Variants in LTBP2 observed in about 807,000 individuals in gnomAD.
LTBP2 encodes the protein latent-transforming growth factor beta-binding protein 2.
A neutral mutation model predicts 210.6 loss-of-function variants in LTBP2; 103 were observed. The ratio of observed to expected loss-of-function variants is 0.49; its 90% CI spans 0.42 to 0.58. The LOEUF (loss-of-function observed/expected upper bound fraction) is 0.58. Ranked by LOEUF, LTBP2 falls within the 20% of genes least tolerant of loss-of-function variation. The pLI, the probability that LTBP2 is intolerant of heterozygous loss-of-function variation, is 0.00. For missense variants in LTBP2, 2,313 were observed against 2,494.5 expected (o/e 0.93, Z 1.55); for synonymous variants, 1,007 against 1,015.0 (o/e 0.99, Z 0.15).
chr14:74,603,742 C>G, intron 1 of LTBP2, 37 bp from the exon 2 acceptor site: 1 of 1,579,996 alleles, frequency 6.3e-7, no homozygotes, highest in Non-Finnish European at 8.7e-7. Flanking sequence ...CACAAGGATG[C>G]TCAGAGCTGG....
At chr14:74,592,353 G>A (rs1176632726) in intron 2 of LTBP2, among the ~76,000 whole-genome samples, 3 of 152,200 alleles carry the variant, frequency 2.0e-5, no homozygotes, top group African/African-American at 7.2e-5. Flanking sequence ...GGAGTTTGAT[G>A]CCTCCAATTT....
chr14:74,591,418 C>G (rs2088281514), intron 2 of LTBP2, among the ~76,000 whole-genome samples: 1 of 152,170 alleles, frequency 6.6e-6, no homozygotes. Context: ...TCCAAACCAG[C>G]CAGACGTGTT....
At chr14:74,574,595 A>T (rs745904028) in intron 3 of LTBP2, among the ~76,000 whole-genome samples, 1 of 152,186 alleles carries the variant, frequency 6.6e-6, no homozygotes, top group Non-Finnish European at 1.5e-5. Flanking sequence ...GAAGATGATG[A>T]TGATGAACTG....
intron 3 of LTBP2, among the ~76,000 whole-genome samples, chr14:74,562,937 T>C (rs1036116096): frequency 1.6e-4 from 25 of 152,314 alleles, no homozygotes; most frequent in African/African-American, 6.0e-4. Flanking sequence ...AAACCTTCTG[T>C]GGTAGGTGTT....
intron 2 of LTBP2, among the ~76,000 whole-genome samples, chr14:74,587,347 G>C (rs1254941846): frequency 2.6e-5 from 4 of 152,032 alleles, no homozygotes; most frequent in African/African-American, 4.8e-5. Context: ...CCAACAGGAA[G>C]CAAGAAAACA....
intron 8 of LTBP2, among the ~76,000 whole-genome samples, chr14:74,542,696 C>T (rs1206988327): frequency 2.0e-5 from 3 of 152,066 alleles, no homozygotes; most frequent in African/African-American, 7.2e-5. Flanking sequence ...GGCAGCCAGA[C>T]CCACATCTAA....
chr14:74,506,868 T>C lies in LTBP2; in HGVS notation c.3908-45A>G, dbSNP rs1165708098. 4.6e-4 allele frequency: 719 copies of C among 1,552,050 alleles called. 5 individuals carry two copies. The African/African-American group carries it at 0.011, about 25-fold the overall frequency. On this transcript the variant is annotated intron_variant, in intron 26 of 35. Transcript: ENST00000261978. ...AGGATAGAGGATGTGTGTGTGTGTG[T>C]GTGTGTGTGTGCGCGCGCGCGTGTG... is the stretch of plus-strand genomic sequence containing the variant.
chr14:74,517,441 G>C (rs969658094), intron 17 of LTBP2, among the ~76,000 whole-genome samples: 5 of 152,000 alleles, frequency 3.3e-5, no homozygotes, highest in African/African-American at 1.2e-4. Flanking sequence ...GCAACCTCCG[G>C]CTCACTGCAA....
At chr14:74,536,516 T>C (rs959594402) in intron 8 of LTBP2, among the ~76,000 whole-genome samples, 2 of 152,232 alleles carry the variant, frequency 1.3e-5, no homozygotes, top group Admixed American at 1.3e-4. Flanking sequence ...ATGGGTGCAA[T>C]TTAGCCACTT....
At chr14:74,515,344 C>T (rs1261723174) in intron 18 of LTBP2, among the ~76,000 whole-genome samples, 2 of 151,256 alleles carry the variant, frequency 1.3e-5, no homozygotes, top group Admixed American at 6.6e-5. Flanking sequence ...GCAACTTCCA[C>T]GTCCTGGGTT....
At chr14:74,537,998 G>A (rs186373477) in intron 8 of LTBP2, among the ~76,000 whole-genome samples, 43 of 152,242 alleles carry the variant, frequency 2.8e-4, no homozygotes, top group East Asian at 1.4e-3. Context: ...CAGGTGATCC[G>A]CCTGCTTTGG....
chr14:74,604,789 C>A (rs901163241), intron 1 of LTBP2, among the ~76,000 whole-genome samples: 4 of 151,962 alleles, frequency 2.6e-5, no homozygotes, highest in Admixed American at 6.5e-5. Flanking sequence ...CTGCGCCCAG[C>A]CCTTCAGCTA....
At chr14:74,571,317 G>A (rs1595284222) in intron 3 of LTBP2, among the ~76,000 whole-genome samples, 1 of 152,314 alleles carries the variant, frequency 6.6e-6, no homozygotes, top group East Asian at 1.9e-4. Flanking sequence ...CTGGATAACA[G>A]AGCGAGACTC....
intron 9 of LTBP2, among the ~76,000 whole-genome samples, chr14:74,535,221 G>C (rs975891454): frequency 9.2e-5 from 14 of 152,084 alleles, no homozygotes; most frequent in Non-Finnish European, 1.6e-4. Context: ...GCCATGCAGA[G>C]CTTCCCCAGA....
intron 3 of LTBP2, among the ~76,000 whole-genome samples, chr14:74,573,251 C>A (rs1196012926): frequency 6.6e-6 from 1 of 152,208 alleles, no homozygotes; most frequent in East Asian, 1.9e-4. Context: ...ATCGCCCTTA[C>A]CCTCAGTGTC....
intron 8 of LTBP2, among the ~76,000 whole-genome samples, chr14:74,538,927 G>C (rs2087457749): frequency 6.6e-6 from 1 of 152,196 alleles, no homozygotes; most frequent in African/African-American, 2.4e-5. Context: ...CCCTGGCGTG[G>C]GGCCTGGTGG....
chr14:74,568,804 T>C (rs2087936353), intron 3 of LTBP2, among the ~76,000 whole-genome samples: 1 of 152,190 alleles, frequency 6.6e-6, no homozygotes, highest in Admixed American at 6.5e-5. Context: ...CACGAATCTT[T>C]GCACCATCTT....
At chr14:74,579,822 C>T (rs946590108) in intron 3 of LTBP2, among the ~76,000 whole-genome samples, 4 of 152,218 alleles carry the variant, frequency 2.6e-5, no homozygotes, top group Non-Finnish European at 4.4e-5. Context: ...ACCAACAGAA[C>T]GGCAACCCTG....
chr14:74,501,471 G>T lies in LTBP2; in HGVS notation c.5290C>A (p.Gln1764Lys), dbSNP rs1416763184. 1.4e-5 allele frequency: 22 copies of T among 1,614,160 alleles called. No individual in the cohort carries two copies. The highest frequency in any genetic ancestry group is 1.9e-5 in the Non-Finnish European group (22 of 1,180,026). ...GYTCDCFEGF[Q>K]LDAAHMACVD... ...CAGGCCATGTGGGCCGCATCCAGCTGGAAGCCCTCAAAACAGTCACAGGTG... is the reference window on the plus strand; with the variant it reads ...CAGGCCATGTGGGCCGCATCCAGCTTGAAGCCCTCAAAACAGTCACAGGTG... The change falls in exon 35 of 36, where the codon CAG becomes AAG. Residue 1764 changes from glutamine to lysine, a missense_variant. By Grantham distance (53) the Gln-to-Lys change is moderately conservative. Coordinates refer to ENST00000261978, the MANE Select transcript of LTBP2 (RefSeq NM_000428.3).
Sources: gnomAD v4.1 joint callset for allele counts (sites outside exome capture counted in the v4.1 genomes callset) on GRCh38, gnomAD v4.1.1 for gene constraint, MANE v1.5 for transcripts, NCBI Gene and HGNC (gene_info 2026-07-23, HGNC 2026-07-21) for gene names.